FAM72C: variants seen among roughly 807,000 people sequenced by gnomAD.
The protein encoded by FAM72C is protein FAM72C.
In FAM72C, 1 loss-of-function variant was observed where a neutral mutation model predicts 5.2. The ratio of observed to expected loss-of-function variants is 0.19; its 90% CI spans 0.07 to 0.91. The LOEUF is 0.91. FAM72C is among the 40% of genes least tolerant of loss of function. The pLI is 0.66. For synonymous variants in FAM72C, 1 was observed against 21.8 expected (o/e 0.05, Z 2.66); for missense variants, 4 against 66.0 (o/e 0.06, Z 3.25).
At chr1:143,963,811 T>G (rs1201207174) in intron 3 of FAM72C, among the ~76,000 whole-genome samples, 2 of 141,110 alleles carry the variant, frequency 1.4e-5, no homozygotes, top group Admixed American at 1.4e-4. Flanking sequence ...TTTTTAGCAA[T>G]AAAGCATTTT....
chr1:143,964,067 C>T (rs1275602822), intron 3 of FAM72C, among the ~76,000 whole-genome samples: 1 of 42,544 alleles, frequency 2.4e-5, no homozygotes, highest in Non-Finnish European at 4.8e-5. Context: ...GATCCTCCCG[C>T]CTTGGACTAC....
At chr1:143,962,234 G>A (rs1278023451) in intron 3 of FAM72C, among the ~76,000 whole-genome samples, 5 of 143,602 alleles carry the variant, frequency 3.5e-5, no homozygotes, top group African/African-American at 1.0e-4. Context: ...GGCTGGTCTC[G>A]AACTCCCAAC....
chr1:143,966,898 C>A (rs1316199466), intron 2 of FAM72C, among the ~76,000 whole-genome samples: 1 of 141,104 alleles, frequency 7.1e-6, no homozygotes, highest in Non-Finnish European at 1.5e-5. Context: ...CATGGTGGCA[C>A]GTGCCTGTAG....
At chr1:143,967,459 C>A (rs1661807045) in intron 2 of FAM72C, among the ~76,000 whole-genome samples, 1 of 130,304 alleles carries the variant, frequency 7.7e-6, no homozygotes, top group Admixed American at 7.9e-5. Context: ...GCCTGGGCGA[C>A]AGAGCAAAAC....
chr1:143,965,980 T>TA (rs1185717486), intron 2 of FAM72C, among the ~76,000 whole-genome samples: 17 of 112,872 alleles, frequency 1.5e-4, no homozygotes, highest in South Asian at 3.4e-4. Context: ...GCTAGTACTT[T>TA]AAAAAAAATA....
chr1:143,960,046 ATG>A (rs1278865767), intron 3 of FAM72C, among the ~76,000 whole-genome samples: 7 of 124,868 alleles, frequency 5.6e-5, no homozygotes, highest in African/African-American at 2.1e-4. Flanking sequence ...CATGGAGAAC[ATG>A]TGTCTTATAA....
rs1405574971 is a variant in FAM72C, at chr1:143,955,608, C to T, written c.*779G>A. ...AATGTACAATGGCTTAAGCAAATCG[C>T]TTTAGTTTTTTTTTCTATTTAAGAT... On this transcript the variant is annotated 3_prime_UTR_variant, in exon 4 of 4. Coordinates refer to ENST00000584486, the MANE Select transcript of FAM72C (RefSeq NM_001287385.2). 2 of 143,298 alleles carry T rather than the reference C, an allele frequency of 1.4e-5. No homozygotes were observed. The highest frequency in any genetic ancestry group is 5.3e-5 in the African/African-American group (2 of 37,744). The allele number at this position is 143,298 out of a possible 1,614,324, so 8.9% of individuals were successfully genotyped here. A position where few individuals can be genotyped will look rare whatever the true frequency, so the allele number is the denominator to read the frequency against.
upstream of FAM72C, among the ~76,000 whole-genome samples, chr1:143,973,080 G>GC (rs1661906719): frequency 8.1e-6 from 1 of 122,804 alleles, no homozygotes; most frequent in African/African-American, 2.9e-5. Flanking sequence ...ACGGGCAGCC[G>GC]CGGTCCACCG....
At chr1:143,967,456 C>A (rs1389887519) in intron 2 of FAM72C, among the ~76,000 whole-genome samples, 1 of 133,864 alleles carries the variant, frequency 7.5e-6, no homozygotes, top group Non-Finnish European at 1.6e-5. Flanking sequence ...CTAGCCTGGG[C>A]GACAGAGCAA....
intron 3 of FAM72C, among the ~76,000 whole-genome samples, chr1:143,964,149 A>G (rs868942730): frequency 8.6e-5 from 1 of 11,584 alleles, no homozygotes; most frequent in African/African-American, 3.2e-4. Flanking sequence ...AGGTATGCAC[A>G]TTGTTTTTTA....
rs1661525850 is a variant in FAM72C at position 143,959,148 on chromosome 1, C to T, written c.356-2667G>A. ...CTGTTAAGAAGGGAGGAAGGAAATC[C>T]TGTGATACATGTTTCTTATGGATTA... On this transcript the variant is annotated intron_variant, in intron 3 of 3. Coordinates refer to ENST00000584486, the MANE Select transcript of FAM72C (RefSeq NM_001287385.2). Among the ~76,000 whole-genome samples, 6 of 139,128 alleles carry T rather than the reference C, an allele frequency of 4.3e-5. 1 individual carries two copies. Among genetic ancestry groups the T allele is most frequent in the Non-Finnish European group, 9.1e-5 (6 of 65,658 alleles). The allele number at this position is 139,128 out of a possible 152,430, so 91.3% of individuals were successfully genotyped here. A position where few individuals can be genotyped will look rare whatever the true frequency, so the allele number is the denominator to read the frequency against.
intron 3 of FAM72C, among the ~76,000 whole-genome samples, chr1:143,959,263 C>G (rs1416593063): frequency 7.2e-6 from 1 of 138,240 alleles, no homozygotes; most frequent in East Asian, 2.1e-4. Context: ...AATCTCCACC[C>G]TGTGTTTTGA....
chr1:143,960,784 A>T (rs1661598732), intron 3 of FAM72C, among the ~76,000 whole-genome samples: 1 of 141,858 alleles, frequency 7.0e-6, no homozygotes, highest in South Asian at 2.3e-4. Context: ...AAGGAAAAAG[A>T]ATTTTTTTTT....
chr1:143,966,874 G>T (rs1276336549), intron 2 of FAM72C, among the ~76,000 whole-genome samples: 1 of 130,242 alleles, frequency 7.7e-6, no homozygotes. Flanking sequence ...CTAAAAATAC[G>T]AAAATTAACT....
chr1:143,966,996 C>G (rs1306271689), intron 2 of FAM72C, among the ~76,000 whole-genome samples: 1 of 144,558 alleles, frequency 6.9e-6, no homozygotes, highest in Non-Finnish European at 1.5e-5. Flanking sequence ...CCATTGCACT[C>G]CAGCCTGGGC....
At chr1:143,960,721 C>CA (rs587594127) in intron 3 of FAM72C, among the ~76,000 whole-genome samples, 5,125 of 50,678 alleles carry the variant, frequency 0.1, 464 homozygotes, top group African/African-American at 0.27. Flanking sequence ...AACTCTGTCT[C>CA]AAAAAAAAAA....
At chr1:143,967,723 A>C in intron 2 of FAM72C, among the ~76,000 whole-genome samples, 1 of 102,752 alleles carries the variant, frequency 9.7e-6, no homozygotes, top group South Asian at 3.4e-4. Flanking sequence ...TAAATGAGAA[A>C]ATTTCAACTT....
intron 3 of FAM72C, among the ~76,000 whole-genome samples, chr1:143,960,822 T>C (rs1302200842): frequency 2.1e-5 from 3 of 143,150 alleles, no homozygotes; most frequent in Non-Finnish European, 4.6e-5. Context: ...TGTACTTTCT[T>C]ACTAAAATAT....
At chr1:143,960,882 G>A (rs1661605794) in intron 3 of FAM72C, among the ~76,000 whole-genome samples, 1 of 123,322 alleles carries the variant, frequency 8.1e-6, no homozygotes, top group African/African-American at 3.1e-5. Flanking sequence ...TGCCCAGGCT[G>A]GAGTGCAGCG....
Sources: allele counts gnomAD v4.1 joint callset (sites outside exome capture counted in the v4.1 genomes callset), GRCh38; gene constraint gnomAD v4.1.1; transcripts MANE v1.5; gene names NCBI Gene and HGNC (gene_info 2026-07-23, HGNC 2026-07-21).